RALGPS1: variants seen among roughly 807,000 people sequenced by gnomAD.
RALGPS1 encodes ras-specific guanine nucleotide-releasing factor RalGPS1.
Under a neutral mutation model 78.8 loss-of-function variants are expected in RALGPS1, and 19 were observed. The ratio of observed to expected loss-of-function variants is 0.24; its 90% confidence interval spans 0.17 to 0.35. The LOEUF is 0.35. Ranked by LOEUF, RALGPS1 falls within the 10% of genes least tolerant of loss-of-function variation. The pLI, the probability that RALGPS1 is intolerant of heterozygous loss-of-function variation, is 1.00. For missense variants in RALGPS1, 454 were observed against 688.3 expected (o/e 0.66, Z 3.81); for synonymous variants, 228 against 256.3 (o/e 0.89, Z 1.06).
At chr9:127,157,476 AG>A (rs2058762736) in intron 8 of RALGPS1, among the ~76,000 whole-genome samples, 1 of 152,068 alleles carries the variant, frequency 6.6e-6, no homozygotes, top group Non-Finnish European at 1.5e-5. Flanking sequence ...AAGGATTAGT[AG>A]GCCCAGGATA....
At chr9:127,133,339 A>G (rs1284913375) in intron 8 of RALGPS1, among the ~76,000 whole-genome samples, 3 of 152,270 alleles carry the variant, frequency 2.0e-5, no homozygotes, top group African/African-American at 7.2e-5. Flanking sequence ...GGCTTCTGAC[A>G]CTGGAAACCC....
chr9:126,987,253 C>T (rs1208847297), intron 4 of RALGPS1, among the ~76,000 whole-genome samples: 1 of 152,088 alleles, frequency 6.6e-6, no homozygotes, highest in Non-Finnish European at 1.5e-5. Flanking sequence ...CTGCAAACAT[C>T]ATATGGGGAA....
chr9:126,916,023 G>A (rs1440849704), intron 1 of RALGPS1, among the ~76,000 whole-genome samples: 1 of 152,136 alleles, frequency 6.6e-6, no homozygotes, highest in East Asian at 1.9e-4. Flanking sequence ...TTCCTCCGTT[G>A]CAAAATGAGC....
intron 1 of RALGPS1, among the ~76,000 whole-genome samples, chr9:126,948,195 T>C (rs2037465744): frequency 6.6e-6 from 1 of 152,168 alleles, no homozygotes; most frequent in Non-Finnish European, 1.5e-5. Flanking sequence ...TTTACATAAT[T>C]CTACTATGCA....
chr9:127,190,017 C>CT (rs2060939882), intron 11 of RALGPS1, among the ~76,000 whole-genome samples: 1 of 152,188 alleles, frequency 6.6e-6, no homozygotes, highest in African/African-American at 2.4e-5. Flanking sequence ...ATTGTCCTCA[C>CT]TATCCGTATT....
chr9:127,099,779 T>C (rs1170509402), intron 8 of RALGPS1, among the ~76,000 whole-genome samples: 1 of 152,246 alleles, frequency 6.6e-6, no homozygotes, highest in African/African-American at 2.4e-5. Context: ...CCCAAAGGCA[T>C]TTCAGTTCCT....
intron 8 of RALGPS1, among the ~76,000 whole-genome samples, chr9:127,075,013 G>A (rs2050554135): frequency 6.6e-6 from 1 of 152,220 alleles, no homozygotes; most frequent in Admixed American, 6.5e-5. Context: ...GCAGTCTTGG[G>A]CTTCCAAGGG....
chr9:127,134,606 G>A (rs375275357), intron 8 of RALGPS1, among the ~76,000 whole-genome samples: 1 of 152,136 alleles, frequency 6.6e-6, no homozygotes, highest in South Asian at 2.1e-4. Context: ...TGAGGAAACC[G>A]AGCCCTAGAA....
chr9:127,049,753 C>A (rs939872272), intron 5 of RALGPS1, among the ~76,000 whole-genome samples: 1 of 152,178 alleles, frequency 6.6e-6, no homozygotes, highest in African/African-American at 2.4e-5. Context: ...CAACTCTTCT[C>A]GAGACTCGTG....
intron 8 of RALGPS1, among the ~76,000 whole-genome samples, chr9:127,136,186 A>G (rs1175883959): frequency 2.0e-5 from 3 of 152,198 alleles, no homozygotes; most frequent in Non-Finnish European, 4.4e-5. Context: ...GGGTTACCCA[A>G]GGAGTCTCTG....
chr9:127,133,220 C>T (rs1447296946), intron 8 of RALGPS1, among the ~76,000 whole-genome samples: 4 of 152,196 alleles, frequency 2.6e-5, no homozygotes, highest in South Asian at 2.1e-4. Context: ...AGGCACCGTG[C>T]ACCCTGGGGA....
chr9:127,168,912 G>A (rs1021338069), intron 10 of RALGPS1, 140 bp downstream of exon 10: 158 of 670,230 alleles, frequency 2.4e-4, no homozygotes, highest in Admixed American at 2.3e-4. Context: ...CAGCAGTAGC[G>A]CCCAGGCCCC....
intron 8 of RALGPS1, among the ~76,000 whole-genome samples, chr9:127,097,540 G>C (rs1210903052): frequency 6.6e-6 from 1 of 152,176 alleles, no homozygotes; most frequent in African/African-American, 2.4e-5. Flanking sequence ...GGCACCAGTG[G>C]CAAAGGTCAG....
chr9:127,124,042 C>T (rs552988950), intron 8 of RALGPS1, among the ~76,000 whole-genome samples: 125 of 152,278 alleles, frequency 8.2e-4, no homozygotes, highest in Non-Finnish European at 1.4e-3. Context: ...ACCAGGCACC[C>T]GTCCCAACCC....
At chr9:126,928,714 G>C (rs1386027159) in intron 1 of RALGPS1, among the ~76,000 whole-genome samples, 1 of 152,048 alleles carries the variant, frequency 6.6e-6, no homozygotes, top group African/African-American at 2.4e-5. Flanking sequence ...TGATTCTCCT[G>C]CCTCAGCCTT....
chr9:126,958,806 A>C (rs2038609307), intron 1 of RALGPS1, among the ~76,000 whole-genome samples: 2 of 152,178 alleles, frequency 1.3e-5, no homozygotes, highest in Admixed American at 6.5e-5. Flanking sequence ...GGGTCATGTG[A>C]TAAATTTATA....
intron 8 of RALGPS1, among the ~76,000 whole-genome samples, chr9:127,163,346 A>C (rs2059124236): frequency 6.6e-6 from 1 of 152,168 alleles, no homozygotes; most frequent in Non-Finnish European, 1.5e-5. Flanking sequence ...TTACATTTTT[A>C]AGAGAGGAGA....
intron 14 of RALGPS1, among the ~76,000 whole-genome samples, chr9:127,206,149 G>T (rs2061918129): frequency 1.3e-5 from 2 of 152,300 alleles, no homozygotes; most frequent in South Asian, 4.1e-4. Context: ...TCCCATCCAG[G>T]GTGCGCAGGC....
At chr9:126,965,719 C>G (rs1357479937) in intron 2 of RALGPS1, 125 bp from the exon 3 acceptor site, 2 of 686,872 alleles carry the variant, frequency 2.9e-6, no homozygotes, top group African/African-American at 3.5e-5. Flanking sequence ...AAGCTCTAAT[C>G]AATAGAAGCC....
Sources: gnomAD v4.1 joint callset for allele counts (sites outside exome capture counted in the v4.1 genomes callset) on GRCh38, gnomAD v4.1.1 for gene constraint, MANE v1.5 for transcripts, NCBI Gene and HGNC (gene_info 2026-07-23, HGNC 2026-07-21) for gene names.